The following SNX29 variants were observed in gnomAD, a reference collection of about 807,000 sequenced individuals.
The protein encoded by SNX29 is sorting nexin 29.
Under a neutral mutation model 102.1 loss-of-function variants are expected in SNX29, and 78 were observed. The observed-to-expected ratio is 0.76, with a 90% confidence interval of 0.64 to 0.92. The LOEUF is 0.92. SNX29 is among the 40% of genes least tolerant of loss of function. The pLI, the probability that SNX29 is intolerant of heterozygous loss-of-function variation, is 0.00. For missense variants in SNX29, 1,280 were observed against 1,061.7 expected, an observed-to-expected ratio of 1.21 and a Z score of -2.86; for synonymous variants, 580 against 414.5, an observed-to-expected ratio of 1.40 and a Z score of -4.85.
chr16:12,090,907 C>T (rs888186364), intron 11 of SNX29, among the ~76,000 whole-genome samples: 5 of 148,476 alleles, frequency 3.4e-5, no homozygotes, highest in Non-Finnish European at 7.4e-5. Context: ...CCCAGCTACT[C>T]GAGAGGCTGA....
chr16:12,319,662 C>T (rs750893232), intron 15 of SNX29, among the ~76,000 whole-genome samples: 38 of 152,108 alleles, frequency 2.5e-4, no homozygotes, highest in Non-Finnish European at 7.4e-5. Flanking sequence ...GTTTCACAGA[C>T]CAGGAAACTG....
intron 19 of SNX29, among the ~76,000 whole-genome samples, chr16:12,516,688 C>G (rs1213101806): frequency 6.6e-6 from 1 of 152,114 alleles, no homozygotes; most frequent in African/African-American, 2.4e-5. Flanking sequence ...TACAAAATAC[C>G]TTGATGTTCC....
chr16:12,061,458 A>G, intron 8 of SNX29, 70 bp from the exon 9 acceptor site: 2 of 1,289,014 alleles, frequency 1.6e-6, no homozygotes, highest in East Asian at 2.5e-5. Flanking sequence ...GGTGCTGTGG[A>G]TGCTTGTTGG....
chr16:12,338,031 C>T (rs2081504260), intron 15 of SNX29, among the ~76,000 whole-genome samples: 1 of 152,142 alleles, frequency 6.6e-6, no homozygotes, highest in Admixed American at 6.5e-5. Context: ...GCCGAGGAAG[C>T]ACCTGCATTT....
intron 13 of SNX29, among the ~76,000 whole-genome samples, chr16:12,139,842 G>A (rs189652561): frequency 1.1e-4 from 17 of 151,968 alleles, no homozygotes; most frequent in East Asian, 9.7e-4. Context: ...TTAGCGGTGC[G>A]TGGTGGTGCA....
intron 19 of SNX29, among the ~76,000 whole-genome samples, chr16:12,496,881 A>C (rs2088854213): frequency 6.6e-6 from 1 of 151,898 alleles, no homozygotes. Flanking sequence ...AGAGCGTTTC[A>C]GGGAGGGGAA....
Position 12,096,870 on chromosome 16 carries a change from G to T in SNX29, c.1402+17955G>T, listed in dbSNP as rs891614174. On this transcript the variant is annotated intron_variant, in intron 11 of 20. Coordinates refer to ENST00000566228, the MANE Select transcript of SNX29 (RefSeq NM_032167.5). The surrounding 1 kb of genome is among the most constrained non-coding windows in gnomAD (Gnocchi z 4.2). Reference sequence around the variant, plus strand: ...TCCTTGCTCCCAGGAGGGGAAGGAGGAACCGATGACAGCAGGATGAATGTA... The same window carrying T: ...TCCTTGCTCCCAGGAGGGGAAGGAGTAACCGATGACAGCAGGATGAATGTA... 6.6e-6 allele frequency among the ~76,000 whole-genome samples: 1 copy of T among 152,174 alleles called. No homozygotes were observed. The highest frequency in any genetic ancestry group is 1.5e-5 in the Non-Finnish European group (1 of 68,018).
chr16:12,484,668 G>A (rs755442915), intron 19 of SNX29, among the ~76,000 whole-genome samples: 29 of 152,112 alleles, frequency 1.9e-4, no homozygotes, highest in Middle Eastern at 6.8e-3. Flanking sequence ...GTCACACCCT[G>A]TACCTGGAAT....
chr16:12,235,865 CT>C (rs1208316564), intron 14 of SNX29, among the ~76,000 whole-genome samples: 5 of 151,286 alleles, frequency 3.3e-5, no homozygotes, highest in Admixed American at 1.3e-4. Flanking sequence ...AATCACAGTT[CT>C]TTTGGCAGTG....
chr16:12,383,536 A>C (rs917138505), intron 16 of SNX29, among the ~76,000 whole-genome samples: 2 of 151,716 alleles, frequency 1.3e-5, no homozygotes, highest in Non-Finnish European at 2.9e-5. Context: ...TCCTGGGTTC[A>C]AGCGATTCTT....
intron 13 of SNX29, among the ~76,000 whole-genome samples, chr16:12,194,973 A>G (rs910081034): frequency 1.3e-5 from 2 of 152,192 alleles, no homozygotes; most frequent in Non-Finnish European, 2.9e-5. Context: ...GTGCTCTAGT[A>G]AAGTGCATTG....
chr16:12,264,624 A>C (rs2078873261), intron 14 of SNX29, among the ~76,000 whole-genome samples: 1 of 152,180 alleles, frequency 6.6e-6, no homozygotes, highest in South Asian at 2.1e-4. Context: ...TCTACTGAAA[A>C]TACAAAAATT....
At chr16:12,247,760 G>T (rs889511080) in intron 14 of SNX29, among the ~76,000 whole-genome samples, 1 of 152,094 alleles carries the variant, frequency 6.6e-6, no homozygotes, top group Non-Finnish European at 1.5e-5. Context: ...TGTTAAGGTT[G>T]GGTTCCTTAC....
chr16:12,185,458 C>T (rs1399556034), intron 13 of SNX29, among the ~76,000 whole-genome samples: 1 of 152,204 alleles, frequency 6.6e-6, no homozygotes, highest in Non-Finnish European at 1.5e-5. Context: ...TTCCCTCCCT[C>T]CTCTCTGTCT....
intron 20 of SNX29, among the ~76,000 whole-genome samples, chr16:12,563,153 G>A (rs554359220): frequency 2.5e-4 from 37 of 150,552 alleles, no homozygotes; most frequent in East Asian, 1.4e-3. Context: ...CCCAGCTCCA[G>A]GGGGGGCAAC....
At chr16:12,211,552 A>G (rs181668537) in intron 14 of SNX29, among the ~76,000 whole-genome samples, 157 of 152,178 alleles carry the variant, frequency 1.0e-3, no homozygotes, top group African/African-American at 3.4e-3. Flanking sequence ...AAGTGGACCA[A>G]TAGGGGTGTG....
chr16:12,167,130 A>G (rs1440220553), intron 13 of SNX29, among the ~76,000 whole-genome samples: 2 of 152,200 alleles, frequency 1.3e-5, no homozygotes, highest in African/African-American at 4.8e-5. Flanking sequence ...TGAACCGAGT[A>G]TATTGCCTTC....
intron 16 of SNX29, among the ~76,000 whole-genome samples, chr16:12,356,700 G>C (rs2082146227): frequency 6.6e-6 from 1 of 152,198 alleles, no homozygotes; most frequent in Admixed American, 6.5e-5. Context: ...ATTGTGGTTT[G>C]AGGAGTAATC....
At chr16:12,462,837 G>C (rs773732842) in intron 18 of SNX29, among the ~76,000 whole-genome samples, 29 of 152,208 alleles carry the variant, frequency 1.9e-4, no homozygotes, top group Admixed American at 5.2e-4. Context: ...AGCCTGTTTA[G>C]CAATGCACAT....
Sources: allele counts gnomAD v4.1 joint callset (sites outside exome capture counted in the v4.1 genomes callset), GRCh38; gene constraint gnomAD v4.1.1; non-coding constraint Gnocchi (gnomAD v3.1); transcripts MANE v1.5; gene names NCBI Gene and HGNC (gene_info 2026-07-23, HGNC 2026-07-21).